The following LINGO3 variants were observed in gnomAD, a reference collection of about 807,000 sequenced individuals.
The protein encoded by LINGO3 is leucine-rich repeat and immunoglobulin-like domain-containing nogo receptor-interacting protein 3.
For missense variants in LINGO3, 750 were observed against 867.7 expected (o/e 0.86, Z 1.70); for synonymous variants, 427 against 444.2 (o/e 0.96, Z 0.49).
At chr19:2,296,409 G>A (rs1402491594), upstream of LINGO3, among the ~76,000 whole-genome samples, 1 of 152,146 alleles carries the variant, frequency 6.6e-6, no homozygotes, top group Non-Finnish European at 1.5e-5. Flanking sequence ...GAGCCCAGGA[G>A]GTCCAGGATG....
At chr19:2,298,688 G>A in the LINGO3 span, among the ~76,000 whole-genome samples, 6 of 151,750 alleles carry the variant, frequency 4.0e-5, 1 homozygote, top group South Asian at 2.1e-4. Flanking sequence ...TTACAAGCAC[G>A]CACCACCAGG....
chr19:2,294,086 C>T (rs1278018714), upstream of LINGO3, among the ~76,000 whole-genome samples: 2 of 152,166 alleles, frequency 1.3e-5, no homozygotes, highest in African/African-American at 4.8e-5. This position sits in a 1 kb window ranked among gnomAD's most constrained non-coding sequence, Gnocchi z 4.3. Context: ...TCCTGCCCTC[C>T]GTGCCTGCTG....
chr19:2,296,760 A>C (rs1168414733), upstream of LINGO3, among the ~76,000 whole-genome samples: 2 of 148,468 alleles, frequency 1.3e-5, no homozygotes, highest in Non-Finnish European at 3.0e-5. Context: ...TACAGGTGTG[A>C]GCCACCGTGC....
At chr19:2,307,646 C>T in the LINGO3 span, among the ~76,000 whole-genome samples, 1 of 152,210 alleles carries the variant, frequency 6.6e-6, no homozygotes, top group Non-Finnish European at 1.5e-5. Context: ...CTTCCAGCTC[C>T]GCACCCCCAG....
At chr19:2,299,416 T>TTTTTA in the LINGO3 span, among the ~76,000 whole-genome samples, 5 of 152,062 alleles carry the variant, frequency 3.3e-5, no homozygotes, top group Non-Finnish European at 7.4e-5. Context: ...GGTCTCTTAT[T>TTTTTA]TTTTATTTTA....
At chr19:2,295,083 C>T (rs1035740359), upstream of LINGO3, among the ~76,000 whole-genome samples, 1 of 152,074 alleles carries the variant, frequency 6.6e-6, no homozygotes, top group African/African-American at 2.4e-5. Flanking sequence ...AATCCCAGAG[C>T]GAACAGACGC....
At chr19:2,301,056 G>A in the LINGO3 span, among the ~76,000 whole-genome samples, 1 of 152,020 alleles carries the variant, frequency 6.6e-6, no homozygotes, top group African/African-American at 2.4e-5. Flanking sequence ...TGGGTTAGGG[G>A]ATTCCACAGA....
chr19:2,299,062 G>A, the LINGO3 span, among the ~76,000 whole-genome samples: 47 of 152,250 alleles, frequency 3.1e-4, no homozygotes, highest in African/African-American at 1.1e-3. Context: ...AGAGCCCTCC[G>A]GGGCACCCTC....
chr19:2,307,378 G>A, the LINGO3 span, among the ~76,000 whole-genome samples: 1 of 152,196 alleles, frequency 6.6e-6, no homozygotes, highest in African/African-American at 2.4e-5. Context: ...GGCTTTTCTT[G>A]TGCCCGGACC....
rs922807552 is a variant in LINGO3 at position 2,291,898 on chromosome 19, CT to C, written c.-123del. 27 of 833,976 alleles carry C rather than the reference CT, an allele frequency of 3.2e-5. No individual in the cohort carries two copies. In the African/African-American group the frequency reaches 4.7e-4, roughly 14 times the overall value. 51.7% of individuals were successfully genotyped at this position (833,976 alleles called of 1,614,324 possible). A position where few individuals can be genotyped will look rare whatever the true frequency, so the allele number is the denominator to read the frequency against. On this transcript the variant is annotated 5_prime_UTR_variant, in exon 1 of 1. Coordinates refer to ENST00000585527, the Ensembl canonical transcript of LINGO3. ...CGGCGCCTCTGCCGCCAGCCCGCCCCTAACCCGTCCCAGCACGGCGGCTCGC... is the reference window on the plus strand; with the variant it reads ...CGGCGCCTCTGCCGCCAGCCCGCCCCAACCCGTCCCAGCACGGCGGCTCGC...
chr19:2,289,920 C>A, exon 1 of LINGO3: 2 of 1,262,530 alleles, frequency 1.6e-6, no homozygotes, highest in East Asian at 2.7e-5. Context: ...TCCCCTTCCC[C>A]TCCGGGAAAT....
Position 2,290,741 on chromosome 19 carries a change from T to C in LINGO3, c.1036A>G (p.Thr346Ala). The change falls in exon 1 of 1, where the codon ACG becomes GCG. Residue 346 changes from threonine to alanine, a missense_variant. Thr to Ala is a moderately conservative substitution (Grantham distance 58). Transcript: ENST00000585527. The surrounding 1 kb of genome is among the most constrained non-coding windows in gnomAD (Gnocchi z 6.0). ...AGCGGGTTCCCGTCCACGCGCAGCG[T>C]CTCTAGCGTGTTCACCGAGTGGAAG... 1 of 1,612,590 alleles carries C rather than the reference T, an allele frequency of 6.2e-7. No homozygotes were observed. Among genetic ancestry groups the C allele is most frequent in the South Asian group, 1.1e-5 (1 of 91,062 alleles).
At chr19:2,289,316 C>T (rs535431611), downstream of LINGO3, among the ~76,000 whole-genome samples, 2 of 146,822 alleles carry the variant, frequency 1.4e-5, no homozygotes, top group East Asian at 4.2e-4. Context: ...GTGTGAGTTG[C>T]GCCTGTCCCG....
In LINGO3 at chr19:2,290,886, G is replaced by T. The variant is rs1040952752; in HGVS notation, c.891C>A (p.Arg297=). Residue 297 remains arginine, a synonymous_variant, in exon 1 of 1, where the codon CGC becomes CGA. Coordinates refer to ENST00000585527, the Ensembl canonical transcript of LINGO3. The surrounding 1 kb of genome is among the most constrained non-coding windows in gnomAD (Gnocchi z 6.0). ...GCAGGGCCCCGGCCAGGTGCAGCTCGCGCAGGCGGACCAGGTCCCGGAACG... is the reference window on the plus strand; with the variant it reads ...GCAGGGCCCCGGCCAGGTGCAGCTCTCGCAGGCGGACCAGGTCCCGGAACG... 13 of 1,611,020 alleles carry T rather than the reference G, an allele frequency of 8.1e-6. No individual in the cohort carries two copies. The highest frequency in any genetic ancestry group is 5.0e-5 in the Admixed American group (3 of 59,830).
chr19:2,306,357 G>C, the LINGO3 span, among the ~76,000 whole-genome samples: 1 of 152,062 alleles, frequency 6.6e-6, no homozygotes, highest in Non-Finnish European at 1.5e-5. Flanking sequence ...GTGGTGGGCG[G>C]CTTGATGGGG....
At chr19:2,296,859 C>T (rs997528033), upstream of LINGO3, among the ~76,000 whole-genome samples, 10 of 151,040 alleles carry the variant, frequency 6.6e-5, no homozygotes, top group African/African-American at 1.5e-4. Context: ...GAGGCCGAGG[C>T]GGGCAGATCA....
chr19:2,287,891 G>A (rs536305875), downstream of LINGO3, among the ~76,000 whole-genome samples: 2 of 152,118 alleles, frequency 1.3e-5, no homozygotes, highest in African/African-American at 4.8e-5. The surrounding 1 kb of genome is among the most constrained non-coding windows in gnomAD (Gnocchi z 4.5). Flanking sequence ...CTAACCTCTT[G>A]GTTGGCAGCC....
exon 1 of LINGO3, chr19:2,291,934 C>T (rs567059621): frequency 4.8e-5 from 32 of 661,522 alleles, no homozygotes; most frequent in South Asian, 4.7e-4. Context: ...CTCCTGTAAA[C>T]CCAGCATTTT....
chr19:2,291,528 C>T (rs1200399890), exon 1 of LINGO3: 2 of 1,606,296 alleles, frequency 1.2e-6, no homozygotes, highest in East Asian at 2.2e-5. Context: ...CGCTCAGGTC[C>T]AGCTCCTCCA....
Sources: gnomAD v4.1 joint callset for allele counts (sites outside exome capture counted in the v4.1 genomes callset) on GRCh38, gnomAD v4.1.1 for gene constraint, Gnocchi (gnomAD v3.1) non-coding constraint, MANE v1.5 for transcripts, NCBI Gene and HGNC (gene_info 2026-07-23, HGNC 2026-07-21) for gene names.